TAAR6: variants seen among roughly 807,000 people sequenced by gnomAD.
TAAR6 encodes the protein trace amine-associated receptor 6.
Under a neutral mutation model 18.4 loss-of-function variants are expected in TAAR6, and 15 were observed. The observed-to-expected ratio is 0.82, with a 90% CI of 0.55 to 1.26. TAAR6 has a LOEUF of 1.26. Among genes scored for constraint, TAAR6 ranks in the 50% most tolerant of loss-of-function variants. The pLI, the probability that TAAR6 is intolerant of heterozygous loss-of-function variation, is 0.00. For synonymous variants in TAAR6, 192 were observed against 162.4 expected, an observed-to-expected ratio of 1.18 and a Z score of -1.39; for missense variants, 501 against 415.9, an observed-to-expected ratio of 1.20 and a Z score of -1.78.
In TAAR6 at chr6:132,570,572, CTG is replaced by C. The variant is rs750686894; in HGVS notation, c.254_255del (p.Val85AspfsTer27). 1.4e-5 allele frequency: 22 copies of C among 1,613,992 alleles called. No individual in the cohort carries two copies. In the East Asian group the frequency reaches 2.5e-4, roughly 18 times the overall value. ...TGCGCTGATTTCTTGGTGGGTGTGA[CTG>C]TGATGCCCTTCAGCATGGTCAGGAC... On this transcript the variant is annotated frameshift_variant, in exon 1 of 1. Coordinates refer to ENST00000275198, the MANE Select transcript of TAAR6 (RefSeq NM_175067.1). LOFTEE classifies it high-confidence loss of function.
chr6:132,570,951 C>T lies in TAAR6; in HGVS notation c.630C>T (p.Thr210=), dbSNP rs17061407. 3.1e-6 allele frequency: 5 copies of T among 1,614,054 alleles called. No homozygotes were observed. The highest frequency in any genetic ancestry group is 2.2e-5 in the East Asian group (1 of 44,864). The change falls in exon 1 of 1, where the codon ACC becomes ACT. Residue 210 remains threonine, a synonymous_variant. Coordinates refer to ENST00000275198, the MANE Select transcript of TAAR6 (RefSeq NM_175067.1). ...LTDFLSFFIP[T]FIMIILYGNI... Reference sequence around the variant, plus strand: ...ATTTTCTATCCTTCTTTATACCTACCTTTATTATGATAATTCTGTATGGTA... The same window carrying T: ...ATTTTCTATCCTTCTTTATACCTACTTTTATTATGATAATTCTGTATGGTA...
chr6:132,570,754 A>G lies in TAAR6; in HGVS notation c.433A>G (p.Thr145Ala). The change falls in exon 1 of 1, where the codon ACC (threonine) becomes GCC (alanine). Residue 145 changes from threonine (T) to alanine (A), a missense_variant. Physicochemically the swap from Thr to Ala is moderately conservative, Grantham distance 58 (BLOSUM62 0). Coordinates refer to ENST00000275198, the MANE Select transcript of TAAR6 (RefSeq NM_175067.1). ...CCCCCTGGTCTATCCTACCAAGTTC[A>G]CCGTATCTGTGTCAGGAATTTGCAT... ...TDPLVYPTKFTVSVSGICISV... is the reference protein window; with the variant it reads ...TDPLVYPTKFAVSVSGICISV... 6 of 1,613,800 alleles carry G rather than the reference A, an allele frequency of 3.7e-6. No homozygotes were observed. The highest frequency in any genetic ancestry group is 1.1e-5 in the South Asian group (1 of 91,056).
In TAAR6 at chr6:132,570,395, T is replaced by C. The variant is rs1220782908; in HGVS notation, c.74T>C (p.Ile25Thr). ...YANVNGSCVK[I>T]PFSPGSRVIL... Reference sequence around the variant, plus strand: ...AACGTGAATGGGTCCTGTGTGAAAATCCCCTTCTCGCCGGGATCCCGGGTG... The same window carrying C: ...AACGTGAATGGGTCCTGTGTGAAAACCCCCTTCTCGCCGGGATCCCGGGTG... Residue 25 changes from isoleucine to threonine, a missense_variant, in exon 1 of 1, where the codon ATC becomes ACC. Physicochemically the swap from Ile to Thr is moderately conservative, Grantham distance 89. Transcript: ENST00000275198. The C allele has an allele frequency of 6.2e-7, 1 of 1,613,914 alleles. No individual in the cohort carries two copies. Among genetic ancestry groups the C allele is most frequent in the Non-Finnish European group, 8.5e-7 (1 of 1,179,962 alleles).
In TAAR6 at chr6:132,570,398, C is replaced by T. The variant is rs375145401; in HGVS notation, c.77C>T (p.Pro26Leu). The change falls in exon 1 of 1, where the codon CCC becomes CTC. Residue 26 changes from proline to leucine, a missense_variant. Physicochemically the swap from Pro to Leu is moderately conservative, Grantham distance 98. Transcript: ENST00000275198. ...GTGAATGGGTCCTGTGTGAAAATCC[C>T]CTTCTCGCCGGGATCCCGGGTGATT... ...ANVNGSCVKI[P>L]FSPGSRVILY... 20 of 1,614,050 alleles carry T rather than the reference C, an allele frequency of 1.2e-5. 1 individual carries two copies. The highest frequency in any genetic ancestry group is 4.5e-5 in the East Asian group (2 of 44,868).
In TAAR6 at chr6:132,571,108, A is replaced by C; in HGVS notation, c.787A>C (p.Thr263Pro). ...AAAAGCAGCTAAAACCCTGGGGGTC[A>C]CAGTGGTAGCATTTATGATTTCATG... ...ERKAAKTLGV[T>P]VVAFMISWLP... The change falls in exon 1 of 1, where the codon ACA becomes CCA. Residue 263 changes from threonine to proline, a missense_variant. By Grantham distance (38) the Thr-to-Pro change is conservative. Transcript: ENST00000275198. 6.2e-7 allele frequency: 1 copy of C among 1,614,110 alleles called. No individual in the cohort carries two copies. Among genetic ancestry groups the C allele is most frequent in the African/African-American group, 1.3e-5 (1 of 75,046 alleles).
rs781438215 is a variant in TAAR6, at chr6:132,570,366, C to T, written c.45C>T (p.Tyr15=). ...SSLLVAVQLC[Y]ANVNGSCVKI... Reference sequence around the variant, plus strand: ...TGCTGGTGGCTGTGCAGCTGTGCTACGCGAACGTGAATGGGTCCTGTGTGA... The same window carrying T: ...TGCTGGTGGCTGTGCAGCTGTGCTATGCGAACGTGAATGGGTCCTGTGTGA... The change falls in exon 1 of 1, where the codon TAC becomes TAT. Residue 15 remains tyrosine (Y), a synonymous_variant. Coordinates refer to ENST00000275198, the MANE Select transcript of TAAR6 (RefSeq NM_175067.1). The T allele has an allele frequency of 4.3e-6, 7 of 1,613,932 alleles. No homozygotes were observed. The highest frequency in any genetic ancestry group is 2.2e-5 in the East Asian group (1 of 44,872).
At position 132,571,067 on chromosome 6, in the gene TAAR6, T is replaced by G. The variant is rs1467410862; in HGVS notation, c.746T>G (p.Val249Gly). The change falls in exon 1 of 1, where the codon GTG becomes GGG. Residue 249 changes from valine (V) to glycine (G), a missense_variant. By Grantham distance (109) the Val-to-Gly change is moderately radical. Coordinates refer to ENST00000275198, the MANE Select transcript of TAAR6 (RefSeq NM_175067.1). ...TCCTCAGAGAGTTACAAAGCCAGAG[T>G]GGCCAGGAGAGAGAGAAAAGCAGCT... Reference protein sequence around the residue: ...ESSSESYKARVARRERKAAKT... With the variant: ...ESSSESYKARGARRERKAAKT... 1 of 1,613,788 alleles carries G rather than the reference T, an allele frequency of 6.2e-7. No individual in the cohort carries two copies. The highest frequency in any genetic ancestry group is 1.3e-5 in the African/African-American group (1 of 74,856).
At position 132,570,955 on chromosome 6, in the gene TAAR6, A is replaced by T. The variant is rs1776636735; in HGVS notation, c.634A>T (p.Ile212Phe). 1 of 1,614,070 alleles carries T rather than the reference A, an allele frequency of 6.2e-7. No individual in the cohort carries two copies. The highest frequency in any genetic ancestry group is 8.5e-7 in the Non-Finnish European group (1 of 1,179,996). ...TCTATCCTTCTTTATACCTACCTTT[A>T]TTATGATAATTCTGTATGGTAACAT... is the stretch of plus-strand genomic sequence containing the variant. ...DFLSFFIPTF[I>F]MIILYGNIFL... Residue 212 changes from isoleucine (I) to phenylalanine (F), a missense_variant, in exon 1 of 1, where the codon ATT (isoleucine) becomes TTT (phenylalanine). Coordinates refer to ENST00000275198, the MANE Select transcript of TAAR6 (RefSeq NM_175067.1).
rs201894980 is a variant in TAAR6 at position 132,571,061 on chromosome 6, C to A, written c.740C>A (p.Ala247Asp). The A allele has an allele frequency of 7.6e-5, 122 of 1,613,900 alleles. No homozygotes were observed. Among genetic ancestry groups the A allele is most frequent in the Non-Finnish European group, 7.6e-5 (90 of 1,180,000 alleles). The part of the protein sequence containing the change: ...KTESSSESYK[A>D]RVARRERKAA... ...GAATCATCCTCAGAGAGTTACAAAGCCAGAGTGGCCAGGAGAGAGAGAAAA... is the reference window on the plus strand; with the variant it reads ...GAATCATCCTCAGAGAGTTACAAAGACAGAGTGGCCAGGAGAGAGAGAAAA... Residue 247 changes from alanine (A) to aspartate (D), a missense_variant, in exon 1 of 1, where the codon GCC (alanine) becomes GAC (aspartate). Transcript: ENST00000275198.
chr6:132,570,765 G>A lies in TAAR6; in HGVS notation c.444G>A (p.Val148=). Residue 148 remains valine, a synonymous_variant, in exon 1 of 1, where the codon GTG becomes GTA. Transcript: ENST00000275198. ...LVYPTKFTVS[V]SGICISVSWI... is the part of the protein sequence containing the mutation. ...ATCCTACCAAGTTCACCGTATCTGTGTCAGGAATTTGCATCAGCGTGTCCT... is the reference window on the plus strand; with the variant it reads ...ATCCTACCAAGTTCACCGTATCTGTATCAGGAATTTGCATCAGCGTGTCCT... The A allele has an allele frequency of 6.2e-7, 1 of 1,614,096 alleles. No homozygotes were observed. Among genetic ancestry groups the A allele is most frequent in the Non-Finnish European group, 8.5e-7 (1 of 1,179,994 alleles).
rs775453480 is a variant in TAAR6 at position 132,570,475 on chromosome 6, C to G, written c.154C>G (p.Leu52Val). ...GAVLAVFGNL[L>V]VMISILHFKQ... is the part of the protein sequence containing the mutation. ...TGTGCTGGCTGTGTTTGGAAACCTC[C>G]TGGTGATGATTTCAATCCTCCATTT... Residue 52 changes from leucine to valine, a missense_variant, in exon 1 of 1, where the codon CTG (leucine) becomes GTG (valine). Transcript: ENST00000275198. 3.7e-6 allele frequency: 6 copies of G among 1,613,936 alleles called. No individual in the cohort carries two copies. The highest frequency in any genetic ancestry group is 5.1e-6 in the Non-Finnish European group (6 of 1,179,974).
rs199683947 is a variant in TAAR6, at chr6:132,571,025, G to A, written c.704G>A (p.Gly235Asp). 6.4e-5 allele frequency: 103 copies of A among 1,613,968 alleles called. No individual in the cohort carries two copies. The highest frequency in any genetic ancestry group is 8.3e-5 in the Non-Finnish European group (98 of 1,180,000). The change falls in exon 1 of 1, where the codon GGT (glycine) becomes GAT (aspartate). Residue 235 changes from glycine to aspartate, a missense_variant. Coordinates refer to ENST00000275198, the MANE Select transcript of TAAR6 (RefSeq NM_175067.1). Reference sequence around the variant, plus strand: ...CAGGCGAAAAAGATAGAAAATACTGGTAGCAAGACAGAATCATCCTCAGAG... The same window carrying A: ...CAGGCGAAAAAGATAGAAAATACTGATAGCAAGACAGAATCATCCTCAGAG... ...RRQAKKIENTGSKTESSSESY... is the reference protein window; with the variant it reads ...RRQAKKIENTDSKTESSSESY...
chr6:132,570,747 C>A lies in TAAR6; in HGVS notation c.426C>A (p.Thr142=), dbSNP rs751790102. The A allele has an allele frequency of 6.2e-6, 10 of 1,613,998 alleles. No homozygotes were observed. The African/African-American group carries it at 1.1e-4, about 17-fold the overall frequency. ...TTACTGACCCCCTGGTCTATCCTACCAAGTTCACCGTATCTGTGTCAGGAA... is the reference window on the plus strand; with the variant it reads ...TTACTGACCCCCTGGTCTATCCTACAAAGTTCACCGTATCTGTGTCAGGAA... The part of the protein sequence containing the change: ...IAVTDPLVYP[T]KFTVSVSGIC... Residue 142 remains threonine, a synonymous_variant, in exon 1 of 1, where the codon ACC becomes ACA. Coordinates refer to ENST00000275198, the MANE Select transcript of TAAR6 (RefSeq NM_175067.1).
Position 132,570,470 on chromosome 6 carries a change from A to T in TAAR6, c.149A>T (p.Asn50Ile), listed in dbSNP as rs146721123. Residue 50 changes from asparagine (N) to isoleucine (I), a missense_variant, in exon 1 of 1, where the codon AAC becomes ATC. Transcript: ENST00000275198. ...GGGGCTGTGCTGGCTGTGTTTGGAA[A>T]CCTCCTGGTGATGATTTCAATCCTC... Reference protein sequence around the residue: ...GFGAVLAVFGNLLVMISILHF... With the variant: ...GFGAVLAVFGILLVMISILHF... The T allele has an allele frequency of 3.1e-5, 50 of 1,609,260 alleles. No individual in the cohort carries two copies. The Middle Eastern group carries it at 5.0e-4, about 16-fold the overall frequency.
At position 132,570,550 on chromosome 6, in the gene TAAR6, G is replaced by T. The variant is rs767994339; in HGVS notation, c.229G>T (p.Ala77Ser). The change falls in exon 1 of 1, where the codon GCT (alanine) becomes TCT (serine). Residue 77 changes from alanine to serine, a missense_variant. Physicochemically the swap from Ala to Ser is moderately conservative, Grantham distance 99 (BLOSUM62 1). Transcript: ENST00000275198. ...TNFLVASLAC[A>S]DFLVGVTVMP... is the part of the protein sequence containing the mutation. ...TTTTCTCGTTGCCTCTCTGGCCTGCGCTGATTTCTTGGTGGGTGTGACTGT... is the reference window on the plus strand; with the variant it reads ...TTTTCTCGTTGCCTCTCTGGCCTGCTCTGATTTCTTGGTGGGTGTGACTGT... 1 of 1,614,046 alleles carries T rather than the reference G, an allele frequency of 6.2e-7. No individual in the cohort carries two copies. The highest frequency in any genetic ancestry group is 8.5e-7 in the Non-Finnish European group (1 of 1,180,004).
chr6:132,570,898 G>T lies in TAAR6; in HGVS notation c.577G>T (p.Val193Phe), dbSNP rs201665061. The T allele has an allele frequency of 1.2e-6, 2 of 1,614,132 alleles. No homozygotes were observed. The highest frequency in any genetic ancestry group is 2.2e-5 in the South Asian group (2 of 91,082). Residue 193 changes from valine to phenylalanine, a missense_variant, in exon 1 of 1, where the codon GTT becomes TTT. Transcript: ENST00000275198. ...ALNCIGGCQT[V>F]VNQNWVLTDF... ...AAACTGTATAGGAGGTTGTCAGACC[G>T]TTGTAAATCAAAACTGGGTGTTGAC...
Position 132,571,238 on chromosome 6 carries a change from T to A in TAAR6, c.917T>A (p.Met306Lys). ...CCWCAYYNSA[M>K]NPLIYALFYP... Reference sequence around the variant, plus strand: ...TGGTGTGCTTATTATAACTCAGCCATGAATCCTTTGATTTATGCTTTATTT... The same window carrying A: ...TGGTGTGCTTATTATAACTCAGCCAAGAATCCTTTGATTTATGCTTTATTT... The change falls in exon 1 of 1, where the codon ATG becomes AAG. Residue 306 changes from methionine to lysine, a missense_variant. Physicochemically the swap from Met to Lys is moderately conservative, Grantham distance 95 (BLOSUM62 -1). Transcript: ENST00000275198. 6.2e-7 allele frequency: 1 copy of A among 1,614,136 alleles called. No homozygotes were observed. The highest frequency in any genetic ancestry group is 8.5e-7 in the Non-Finnish European group (1 of 1,179,982).
In TAAR6 at chr6:132,571,038, A is replaced by C. The variant is rs1776638484; in HGVS notation, c.717A>C (p.Glu239Asp). The C allele has an allele frequency of 1.2e-6, 2 of 1,614,032 alleles. No homozygotes were observed. The highest frequency in any genetic ancestry group is 1.3e-5 in the African/African-American group (1 of 74,948). ...TAGAAAATACTGGTAGCAAGACAGAATCATCCTCAGAGAGTTACAAAGCCA... is the reference window on the plus strand; with the variant it reads ...TAGAAAATACTGGTAGCAAGACAGACTCATCCTCAGAGAGTTACAAAGCCA... ...KKIENTGSKT[E>D]SSSESYKARV... Residue 239 changes from glutamate (E) to aspartate (D), a missense_variant, in exon 1 of 1, where the codon GAA (glutamate) becomes GAC (aspartate). Coordinates refer to ENST00000275198, the MANE Select transcript of TAAR6 (RefSeq NM_175067.1).
rs779822206 is a variant in TAAR6, at chr6:132,570,529, C to T, written c.208C>T (p.Leu70Phe). ...GCAGCTGCACTCTCCGACCAATTTTCTCGTTGCCTCTCTGGCCTGCGCTGA... is the reference window on the plus strand; with the variant it reads ...GCAGCTGCACTCTCCGACCAATTTTTTCGTTGCCTCTCTGGCCTGCGCTGA... ...FKQLHSPTNF[L>F]VASLACADFL... Residue 70 changes from leucine (L) to phenylalanine (F), a missense_variant, in exon 1 of 1, where the codon CTC becomes TTC. By Grantham distance (22) the Leu-to-Phe change is conservative. Coordinates refer to ENST00000275198, the MANE Select transcript of TAAR6 (RefSeq NM_175067.1). The T allele has an allele frequency of 6.2e-7, 1 of 1,614,026 alleles. No individual in the cohort carries two copies. Among genetic ancestry groups the T allele is most frequent in the Non-Finnish European group, 8.5e-7 (1 of 1,179,980 alleles).
Sources: allele counts gnomAD v4.1 joint callset, GRCh38; gene constraint gnomAD v4.1.1; transcripts MANE v1.5; gene names NCBI Gene and HGNC (gene_info 2026-07-23, HGNC 2026-07-21).